Variants in NCOR2 observed in about 807,000 individuals in gnomAD.
The protein encoded by NCOR2 is CTG repeat protein 26.
In NCOR2, 81 loss-of-function variants were observed where a neutral mutation model predicts 262.9. The observed-to-expected ratio is 0.31, with a 90% CI of 0.26 to 0.37. The LOEUF (loss-of-function observed/expected upper bound fraction) is 0.37, where lower values mean the gene tolerates loss of function less well. Ranked by LOEUF, NCOR2 falls within the 10% of genes least tolerant of loss-of-function variation. NCOR2 has a pLI of 1.00. For synonymous variants in NCOR2, 1,659 were observed against 1,559.3 expected, an observed-to-expected ratio of 1.06 and a Z score of -1.51; for missense variants, 3,385 against 3,621.4, an observed-to-expected ratio of 0.93 and a Z score of 1.68.
chr12:124,408,882 A>G (rs1362168963), intron 13 of NCOR2, among the ~76,000 whole-genome samples: 2 of 152,222 alleles, frequency 1.3e-5, no homozygotes, highest in Admixed American at 6.5e-5. Flanking sequence ...CGCCAACTCC[A>G]TGCACAGGGT....
intron 1 of NCOR2, among the ~76,000 whole-genome samples, chr12:124,492,762 GATCAC>G (rs958077303): frequency 1.1e-4 from 16 of 152,174 alleles, no homozygotes; most frequent in African/African-American, 3.9e-4. Context: ...GGGGCCTCCA[GATCAC>G]AGCCCCCAGC....
intron 1 of NCOR2, among the ~76,000 whole-genome samples, chr12:124,488,292 GC>G (rs2136843568): frequency 6.6e-6 from 1 of 152,324 alleles, no homozygotes; most frequent in Admixed American, 6.5e-5. Flanking sequence ...GACCCTGGCA[GC>G]CTCAGAAGCT....
Position 124,528,029 on chromosome 12 carries a change from G to A in NCOR2, c.-118+7536C>T, listed in dbSNP as rs115818916. On this transcript the variant is annotated intron_variant, in intron 1 of 46. Coordinates refer to the NCOR2 transcript ENST00000404621. ...CCTGATGAGGGATTTGCTGAATCAGGATGGCCCGAGGCCTCCTGAGGTTTC... is the reference window on the plus strand; with the variant it reads ...CCTGATGAGGGATTTGCTGAATCAGAATGGCCCGAGGCCTCCTGAGGTTTC... Among the ~76,000 whole-genome samples, 298 of 152,318 alleles carry A rather than the reference G, an allele frequency of 2.0e-3. 1 individual carries two copies. Among genetic ancestry groups the A allele is most frequent in the African/African-American group, 7.0e-3 (292 of 41,570 alleles).
intron 27 of NCOR2, 107 bp from the exon 30 acceptor site, chr12:124,350,844 A>G (rs2037388398): frequency 7.8e-6 from 9 of 1,158,196 alleles, no homozygotes; most frequent in Non-Finnish European, 1.1e-5. Flanking sequence ...ACCGATGCAC[A>G]CGCGTGTCCA....
intron 5 of NCOR2, among the ~76,000 whole-genome samples, chr12:124,464,747 AT>A (rs941098039): frequency 6.6e-6 from 1 of 152,152 alleles, no homozygotes; most frequent in Non-Finnish European, 1.5e-5. Flanking sequence ...CGTCGTTGTC[AT>A]TGTTTTAAAG....
chr12:124,334,992 G>T, intron 40 of NCOR2, 143 bp downstream of exon 42: 3 of 1,274,000 alleles, frequency 2.4e-6, no homozygotes, highest in Non-Finnish European at 3.3e-6. Context: ...CCTCACCCAC[G>T]CCCTGGATCC....
At chr12:124,546,860 GA>G (rs2051561450) in intron 1 of NCOR2, among the ~76,000 whole-genome samples, 1 of 152,172 alleles carries the variant, frequency 6.6e-6, no homozygotes, top group African/African-American at 2.4e-5. Context: ...TCCATCCCGG[GA>G]ATCAGATCAA....
intron 42 of NCOR2, among the ~76,000 whole-genome samples, 161 bp downstream of exon 44, chr12:124,332,969 C>G (rs2135752365): frequency 6.6e-6 from 1 of 152,320 alleles, no homozygotes; most frequent in East Asian, 1.9e-4. Context: ...GGGCATGTAT[C>G]ACACCCCCAA....
intron 44 of NCOR2, among the ~76,000 whole-genome samples, chr12:124,328,137 G>C (rs1269319873): frequency 6.6e-6 from 1 of 152,050 alleles, no homozygotes; most frequent in African/African-American, 2.4e-5. Context: ...CTGGCTGGGG[G>C]CTGGGGAAGG....
intron 1 of NCOR2, among the ~76,000 whole-genome samples, chr12:124,554,662 G>C (rs1351590651): frequency 6.6e-6 from 1 of 152,226 alleles, no homozygotes; most frequent in Admixed American, 6.5e-5. Context: ...GCAAACCAGA[G>C]AGCACACACC....
chr12:124,397,354 AC>A (rs2041744951), intron 16 of NCOR2, among the ~76,000 whole-genome samples: 2 of 152,218 alleles, frequency 1.3e-5, no homozygotes, highest in South Asian at 4.1e-4. Context: ...AGACGGGCAA[AC>A]CGAGGCCCAG....
intron 1 of NCOR2, among the ~76,000 whole-genome samples, chr12:124,501,062 G>GCACACACACACACACA (rs3040848): frequency 2.0e-5 from 3 of 147,810 alleles, no homozygotes; most frequent in Non-Finnish European, 4.5e-5. Context: ...GCGCACGCGC[G>GCACACACACACACACA]CACACACACA....
chr12:124,368,117 T>A (rs1158882308), intron 20 of NCOR2, among the ~76,000 whole-genome samples: 1 of 152,232 alleles, frequency 6.6e-6, no homozygotes, highest in East Asian at 1.9e-4. Context: ...CTTAGCCAAC[T>A]GTGCCTCGGT....
At chr12:124,427,865 A>C (rs146701936) in intron 10 of NCOR2, among the ~76,000 whole-genome samples, 1 of 152,218 alleles carries the variant, frequency 6.6e-6, no homozygotes, top group African/African-American at 2.4e-5. Flanking sequence ...AGCTCCCAGA[A>C]GGATGGGAAG....
chr12:124,444,121 A>G (rs949335264), intron 7 of NCOR2, among the ~76,000 whole-genome samples: 2 of 151,970 alleles, frequency 1.3e-5, no homozygotes, highest in Non-Finnish European at 2.9e-5. Flanking sequence ...CGTTTTTTTA[A>G]GTGTTTATTT....
At position 124,543,995 on chromosome 12, in the gene NCOR2, G is replaced by A. The variant is rs144935239; in HGVS notation, c.-164-8384C>T. 2.8e-4 allele frequency among the ~76,000 whole-genome samples: 42 copies of A among 152,338 alleles called. 1 individual carries two copies. The highest frequency in any genetic ancestry group is 9.6e-4 in the African/African-American group (40 of 41,582). On this transcript the variant is annotated intron_variant, in intron 1 of 32. Transcript: ENST00000458234. ...ACATCCTCCCCCTGTGCAGATGGAG[G>A]CAGTGAGGCAAGAAAGCCCTCCCAG...
rs2049860293 is a variant in NCOR2 at position 124,517,228 on chromosome 12, G to A, written c.-118+18337C>T. On this transcript the variant is annotated intron_variant, in intron 1 of 46. Coordinates refer to the NCOR2 transcript ENST00000404621. This position sits in a 1 kb window ranked among gnomAD's most constrained non-coding sequence, Gnocchi z 7.6. Reference sequence around the variant, plus strand: ...ACTCAAACCCAGGTCTGTGGCAAAGGAGCAACATTGCCTGGAAGCCCAGCC... The same window carrying A: ...ACTCAAACCCAGGTCTGTGGCAAAGAAGCAACATTGCCTGGAAGCCCAGCC... 6.6e-6 allele frequency among the ~76,000 whole-genome samples: 1 copy of A among 152,134 alleles called. No individual in the cohort carries two copies. Among genetic ancestry groups the A allele is most frequent in the Admixed American group, 6.5e-5 (1 of 15,278 alleles).
intron 1 of NCOR2, among the ~76,000 whole-genome samples, chr12:124,556,936 G>A (rs1176685339): frequency 6.6e-6 from 1 of 152,236 alleles, no homozygotes; most frequent in East Asian, 1.9e-4. Flanking sequence ...GGCAGGGTGA[G>A]TGCAAAGGCC....
rs1594055026 is a variant in NCOR2 at position 124,548,769 on chromosome 12, A to C, written c.-164-13158T>G. ...GGGACAGTCCTACTCCATAAAAGTC[A>C]CCCTCCCTACACAGTTTTCAAATGA... On this transcript the variant is annotated intron_variant, in intron 1 of 32. Coordinates refer to the NCOR2 transcript ENST00000458234. The surrounding 1 kb of genome is among the most constrained non-coding windows in gnomAD (Gnocchi z 5.1). 6.6e-6 allele frequency among the ~76,000 whole-genome samples: 1 copy of C among 151,026 alleles called. No individual in the cohort carries two copies. The highest frequency in any genetic ancestry group is 6.6e-5 in the Admixed American group (1 of 15,164).
Sources: allele counts gnomAD v4.1 joint callset (sites outside exome capture counted in the v4.1 genomes callset), GRCh38; gene constraint gnomAD v4.1.1; non-coding constraint Gnocchi (gnomAD v3.1); transcripts MANE v1.5; gene names NCBI Gene and HGNC (gene_info 2026-07-23, HGNC 2026-07-21).